Variants in DEFB123 observed in about 807,000 individuals in gnomAD.
DEFB123 encodes beta-defensin 123.
For synonymous variants in DEFB123, 22 were observed against 28.3 expected, an observed-to-expected ratio of 0.78 and a Z score of 0.71; for missense variants, 71 against 75.0, an observed-to-expected ratio of 0.95 and a Z score of 0.20.
At chr20:31,440,822 G>A in intron 1 of DEFB123, 66 bp downstream of exon 1, 1 of 1,591,478 alleles carries the variant, frequency 6.3e-7, no homozygotes, top group South Asian at 1.1e-5. Context: ...AGAATCCCAA[G>A]GGCTAGAAGG....
At chr20:31,443,124 G>A (rs1449171428) in intron 1 of DEFB123, among the ~76,000 whole-genome samples, 6 of 152,152 alleles carry the variant, frequency 3.9e-5, no homozygotes, top group African/African-American at 1.2e-4. Context: ...GGTTAGTAGC[G>A]TCCTGCTAGC....
At chr20:31,447,775 C>T (rs1427062796) in intron 1 of DEFB123, among the ~76,000 whole-genome samples, 1 of 140,606 alleles carries the variant, frequency 7.1e-6, no homozygotes, top group African/African-American at 2.8e-5. Context: ...CACCAACACA[C>T]CCGGCTTTTT....
At chr20:31,443,085 C>T (rs1474587342) in intron 1 of DEFB123, among the ~76,000 whole-genome samples, 1 of 152,162 alleles carries the variant, frequency 6.6e-6, no homozygotes, top group African/African-American at 2.4e-5. Context: ...CCCTTACTGA[C>T]TTCTGGGATC....
In DEFB123 at chr20:31,440,654, A is replaced by C; in HGVS notation, c.-45A>C. 5 of 1,612,180 alleles carry C rather than the reference A, an allele frequency of 3.1e-6. No individual in the cohort carries two copies. The highest frequency in any genetic ancestry group is 4.2e-6 in the Non-Finnish European group (5 of 1,179,314). On this transcript the variant is annotated 5_prime_UTR_variant, in exon 1 of 2. Transcript: ENST00000376309. ...GGCACTCTCCTTCTCCCATTAGCTC[A>C]GCCGTGGCATCGGACTTGCAGCTTC...
chr20:31,445,284 T>C (rs1467690881), intron 1 of DEFB123, among the ~76,000 whole-genome samples: 1 of 152,212 alleles, frequency 6.6e-6, no homozygotes, highest in African/African-American at 2.4e-5. Flanking sequence ...TTTAGGACAA[T>C]AGGAATCAAT....
In DEFB123 at chr20:31,449,999, A is replaced by G. The variant is rs1169978140; in HGVS notation, c.59-30A>G. ...CCGGAGCCTACTTGTTAGGACTGATACTGTCTCCCTTCTTTCTGCTTTGTG... is the reference window on the plus strand; with the variant it reads ...CCGGAGCCTACTTGTTAGGACTGATGCTGTCTCCCTTCTTTCTGCTTTGTG... On this transcript the variant is annotated intron_variant, in intron 1 of 1. Coordinates refer to ENST00000376309, the MANE Select transcript of DEFB123 (RefSeq NM_153324.4). 4 of 1,594,862 alleles carry G rather than the reference A, an allele frequency of 2.5e-6. No individual in the cohort carries two copies. The East Asian group carries it at 6.8e-5, about 27-fold the overall frequency.
chr20:31,449,767 C>CAA (rs59939526), intron 1 of DEFB123, among the ~76,000 whole-genome samples: 1,479 of 52,104 alleles, frequency 0.028, 89 homozygotes, highest in African/African-American at 0.065. Flanking sequence ...AGACTCATCT[C>CAA]AAAAAAAAAA....
intron 1 of DEFB123, among the ~76,000 whole-genome samples, chr20:31,443,865 A>G (rs1979523264): frequency 6.6e-6 from 1 of 152,182 alleles, no homozygotes; most frequent in African/African-American, 2.4e-5. Context: ...AATGGAAGCT[A>G]CTTTAGCTGG....
chr20:31,444,641 T>C (rs765144215), intron 1 of DEFB123, among the ~76,000 whole-genome samples: 1 of 152,238 alleles, frequency 6.6e-6, no homozygotes, highest in Non-Finnish European at 1.5e-5. Context: ...ACTCTTAAAT[T>C]AAAAATTGAG....
intron 1 of DEFB123, among the ~76,000 whole-genome samples, chr20:31,449,697 G>T (rs1412749118): frequency 6.7e-6 from 1 of 148,242 alleles, no homozygotes; most frequent in Non-Finnish European, 1.5e-5. Context: ...TGAACTGGGA[G>T]GAGGAGGTTT....
intron 1 of DEFB123, among the ~76,000 whole-genome samples, chr20:31,445,341 A>T (rs1180406924): frequency 4.6e-5 from 7 of 152,230 alleles, no homozygotes; most frequent in Admixed American, 4.6e-4. Context: ...TTTCAAAATG[A>T]TAATATTCTG....
chr20:31,446,952 A>AC (rs1290167944), intron 1 of DEFB123, among the ~76,000 whole-genome samples: 4 of 151,106 alleles, frequency 2.6e-5, no homozygotes, highest in Non-Finnish European at 5.9e-5. Flanking sequence ...ATCTCAAAAA[A>AC]AAAAAAAACA....
chr20:31,440,870 G>A, intron 1 of DEFB123, 114 bp downstream of exon 1: 1 of 1,270,116 alleles, frequency 7.9e-7, no homozygotes, highest in Non-Finnish European at 1.1e-6. Context: ...ACGTATAGGA[G>A]GCAGGAGGCG....
intron 1 of DEFB123, among the ~76,000 whole-genome samples, chr20:31,444,007 T>G (rs1979526755): frequency 6.6e-6 from 1 of 152,204 alleles, no homozygotes; most frequent in Non-Finnish European, 1.5e-5. Flanking sequence ...ATGTTGGTCC[T>G]TAAAATGGTC....
chr20:31,449,043 A>G (rs1979666648), intron 1 of DEFB123, among the ~76,000 whole-genome samples: 1 of 151,742 alleles, frequency 6.6e-6, no homozygotes, highest in Admixed American at 6.6e-5. Context: ...TATTTTTTAC[A>G]TCTTTATTTC....
Position 31,450,076 on chromosome 20 carries a change from T to C in DEFB123, c.106T>C (p.Cys36Arg), listed in dbSNP as rs772730153. The C allele has an allele frequency of 1.9e-6, 3 of 1,612,526 alleles. No homozygotes were observed. The highest frequency in any genetic ancestry group is 3.3e-5 in the Admixed American group (2 of 59,792). ...WNLYGKCRYR[C>R]SKKERVYVYC... ...TCTTTATGGCAAATGCCGTTACAGA[T>C]GCTCCAAGAAGGAAAGAGTCTATGT... The change falls in exon 2 of 2, where the codon TGC becomes CGC. Residue 36 changes from cysteine to arginine, a missense_variant. Cys to Arg is a radical substitution (Grantham distance 180). Coordinates refer to ENST00000376309, the MANE Select transcript of DEFB123 (RefSeq NM_153324.4).
In DEFB123 at chr20:31,450,062, A is replaced by T; in HGVS notation, c.92A>T (p.Lys31Ile). 1 of 1,611,512 alleles carries T rather than the reference A, an allele frequency of 6.2e-7. No homozygotes were observed. The highest frequency in any genetic ancestry group is 8.5e-7 in the Non-Finnish European group (1 of 1,178,956). ...GTQRCWNLYGKCRYRCSKKER... is the reference protein window; with the variant it reads ...GTQRCWNLYGICRYRCSKKER... Reference sequence around the variant, plus strand: ...CAAAGATGCTGGAATCTTTATGGCAAATGCCGTTACAGATGCTCCAAGAAG... The same window carrying T: ...CAAAGATGCTGGAATCTTTATGGCATATGCCGTTACAGATGCTCCAAGAAG... Residue 31 changes from lysine (K) to isoleucine (I), a missense_variant, in exon 2 of 2, where the codon AAA becomes ATA. Physicochemically the swap from Lys to Ile is moderately radical, Grantham distance 102. Coordinates refer to ENST00000376309, the MANE Select transcript of DEFB123 (RefSeq NM_153324.4).
At position 31,442,596 on chromosome 20, in the gene DEFB123, C is replaced by CTT. The variant is rs397865886; in HGVS notation, c.58+1860_58+1861dup. Among the ~76,000 whole-genome samples the CTT allele has an allele frequency of 6.4e-3, 673 of 105,768 alleles. 8 individuals carry two copies. Among genetic ancestry groups the CTT allele is most frequent in the African/African-American group, 0.016 (418 of 25,974 alleles). The allele number at this position is 105,768 out of a possible 152,430, so 69.4% of individuals were successfully genotyped here. On this transcript the variant is annotated intron_variant, in intron 1 of 1. Coordinates refer to ENST00000376309, the MANE Select transcript of DEFB123 (RefSeq NM_153324.4). Reference sequence around the variant, plus strand: ...ACCAGGGGAAGGGGAAGGTCATTTGCTTTTTTTTTTTTTTTTTTTTTGGAG... The same window carrying CTT: ...ACCAGGGGAAGGGGAAGGTCATTTGCTTTTTTTTTTTTTTTTTTTTTTTGGAG...
At chr20:31,449,452 A>G (rs1457470175) in intron 1 of DEFB123, among the ~76,000 whole-genome samples, 1 of 152,182 alleles carries the variant, frequency 6.6e-6, no homozygotes, top group Non-Finnish European at 1.5e-5. Context: ...CAGATTTTAC[A>G]GGGTCTTTCC....
Sources: allele counts gnomAD v4.1 joint callset (sites outside exome capture counted in the v4.1 genomes callset), GRCh38; gene constraint gnomAD v4.1.1; transcripts MANE v1.5; gene names NCBI Gene and HGNC (gene_info 2026-07-23, HGNC 2026-07-21).